The following PLXDC1 variants were observed in gnomAD, a reference collection of about 807,000 sequenced individuals.
PLXDC1 encodes the protein plexin domain containing 1, also known as plexin domain-containing protein 1.
PLXDC1 carries 39 observed loss-of-function variants against 61.3 expected under a neutral mutation model. That is an observed-to-expected ratio of 0.64 (90% confidence interval 0.49 to 0.83). The LOEUF (loss-of-function observed/expected upper bound fraction) is 0.83. PLXDC1 is among the 40% of genes least tolerant of loss of function. The probability of loss-of-function intolerance (pLI) is 0.00; values close to 1 mark genes in which losing one functional copy is unlikely to be tolerated. For missense variants in PLXDC1, 596 were observed against 666.5 expected, an observed-to-expected ratio of 0.89 and a Z score of 1.17; for synonymous variants, 212 against 254.5, an observed-to-expected ratio of 0.83 and a Z score of 1.59.
intron 1 of PLXDC1, among the ~76,000 whole-genome samples, chr17:39,150,558 A>T (rs571840924): frequency 2.1e-4 from 32 of 152,312 alleles, no homozygotes; most frequent in South Asian, 8.3e-4. Flanking sequence ...GACTATGAAA[A>T]TTATACCATG....
chr17:39,108,270 G>T, intron 4 of PLXDC1, 25 bp from the exon 5 acceptor site: 1 of 1,612,934 alleles, frequency 6.2e-7, no homozygotes, highest in Non-Finnish European at 8.5e-7. Flanking sequence ...GTGCAGAGGA[G>T]TCACCAGAAA....
chr17:39,128,175 A>ATATGTATATATG (rs1567769680), intron 2 of PLXDC1, among the ~76,000 whole-genome samples: 12 of 60,474 alleles, frequency 2.0e-4, no homozygotes, highest in African/African-American at 2.8e-4. Flanking sequence ...ATATATATGT[A>ATATGTATATATG]TATATATATG....
chr17:39,087,573 C>A, intron 8 of PLXDC1, 34 bp downstream of exon 8: 1 of 1,516,238 alleles, frequency 6.6e-7, no homozygotes. Flanking sequence ...GACTCCAGAG[C>A]TCTTTCTGGG....
chr17:39,112,348 C>T (rs3025161), intron 2 of PLXDC1: 9,220 of 152,192 alleles, frequency 0.061, 482 homozygotes, highest in African/African-American at 0.14. Context: ...CTCTTCCCCC[C>T]AGTTCAAACA....
chr17:39,078,162 A>G (rs1909414854), intron 10 of PLXDC1, 114 bp from the exon 11 acceptor site: 18 of 1,032,910 alleles, frequency 1.7e-5, no homozygotes, highest in Admixed American at 2.8e-5. Context: ...ATCCTTCCTC[A>G]AGGAAGGGGC....
At chr17:39,087,032 C>T (rs777665079) in intron 8 of PLXDC1, among the ~76,000 whole-genome samples, 5 of 152,170 alleles carry the variant, frequency 3.3e-5, no homozygotes, top group Non-Finnish European at 7.3e-5. Flanking sequence ...TCTCAGCTGT[C>T]CCAGCCCCAT....
intron 2 of PLXDC1, among the ~76,000 whole-genome samples, chr17:39,116,941 C>T (rs1223172401): frequency 6.6e-6 from 1 of 152,184 alleles, no homozygotes; most frequent in Non-Finnish European, 1.5e-5. Flanking sequence ...ATTACAAGGG[C>T]CAGGGCGTGC....
At chr17:39,114,883 G>C (rs1910918074) in intron 2 of PLXDC1, among the ~76,000 whole-genome samples, 1 of 152,222 alleles carries the variant, frequency 6.6e-6, no homozygotes, top group Admixed American at 6.5e-5. Context: ...CACAGCGAGA[G>C]CTTTCCCCAA....
chr17:39,079,269 A>G (rs546999533), intron 9 of PLXDC1, 105 bp from the exon 10 acceptor site: 4 of 958,370 alleles, frequency 4.2e-6, no homozygotes, highest in African/African-American at 1.6e-5. Flanking sequence ...AGAGGAGCCA[A>G]GGTCCCCAGG....
chr17:39,089,621 C>T (rs565758069), intron 7 of PLXDC1, among the ~76,000 whole-genome samples: 2 of 152,144 alleles, frequency 1.3e-5, no homozygotes, highest in Admixed American at 6.5e-5. Flanking sequence ...TGGGGACATA[C>T]GTTTCTCGCT....
At chr17:39,118,677 A>T (rs1911069225) in intron 2 of PLXDC1, among the ~76,000 whole-genome samples, 1 of 152,038 alleles carries the variant, frequency 6.6e-6, no homozygotes, top group South Asian at 2.1e-4. Flanking sequence ...TGCTGAGTTG[A>T]CTACACCCAT....
At chr17:39,122,645 T>G (rs1911202341) in intron 2 of PLXDC1, among the ~76,000 whole-genome samples, 1 of 152,146 alleles carries the variant, frequency 6.6e-6, no homozygotes, top group African/African-American at 2.4e-5. Context: ...TCCCAAGGAA[T>G]TCACACAATT....
chr17:39,074,816 G>A (rs1173576978), intron 11 of PLXDC1, among the ~76,000 whole-genome samples: 1 of 152,074 alleles, frequency 6.6e-6, no homozygotes, highest in Non-Finnish European at 1.5e-5. Context: ...AAGCCTAGGG[G>A]GTTAACTGGC....
At chr17:39,142,125 T>C (rs1293109312) in intron 1 of PLXDC1, among the ~76,000 whole-genome samples, 1 of 152,040 alleles carries the variant, frequency 6.6e-6, no homozygotes, top group Non-Finnish European at 1.5e-5. Context: ...CTCCTCCCCA[T>C]CCCAAGCTGT....
rs2045372638 is a variant in PLXDC1 at position 39,151,529 on chromosome 17, G to C, written c.-92C>G. ...CTCAGGCTGCGGCCGCGCGGTCCCCGGGGCTGGCGGAGGGGCGGGCGGCGA... is the reference window on the plus strand; with the variant it reads ...CTCAGGCTGCGGCCGCGCGGTCCCCCGGGCTGGCGGAGGGGCGGGCGGCGA... On this transcript the variant is annotated 5_prime_UTR_variant, in exon 1 of 14. Transcript: ENST00000315392. The surrounding 1 kb of genome is among the most constrained non-coding windows in gnomAD (Gnocchi z 5.2). 1 of 1,220,818 alleles carries C rather than the reference G, an allele frequency of 8.2e-7. No homozygotes were observed. Among genetic ancestry groups the C allele is most frequent in the Non-Finnish European group, 1.0e-6 (1 of 980,934 alleles). 75.6% of individuals were successfully genotyped at this position (1,220,818 alleles called of 1,614,324 possible). A position where few individuals can be genotyped will look rare whatever the true frequency, so the allele number is the denominator to read the frequency against.
chr17:39,073,412 G>GAACTT (rs1218647351), intron 11 of PLXDC1: 1 of 152,166 alleles, frequency 6.6e-6, no homozygotes, highest in African/African-American at 2.4e-5. Flanking sequence ...CTAAGCAAAG[G>GAACTT]AACTTAAATA....
intron 2 of PLXDC1, among the ~76,000 whole-genome samples, chr17:39,122,117 G>GC (rs199951907): frequency 0.025 from 3,637 of 147,450 alleles, 69 homozygotes; most frequent in Non-Finnish European, 0.04. Context: ...AAAAAGGGGG[G>GC]GGGGACTGGG....
At chr17:39,093,686 G>A (rs36179135) in intron 7 of PLXDC1, among the ~76,000 whole-genome samples, 50,418 of 151,474 alleles carry the variant, frequency 0.33, 8,897 homozygotes, top group Admixed American at 0.44. Context: ...ATTGCACTCC[G>A]GCCTGGGCGA....
chr17:39,151,401 T>C lies in PLXDC1; in HGVS notation c.37A>G (p.Arg13Gly). The C allele has an allele frequency of 7.7e-7, 1 of 1,297,956 alleles. No individual in the cohort carries two copies. The highest frequency in any genetic ancestry group is 9.8e-7 in the Non-Finnish European group (1 of 1,021,280). 80.4% of individuals were successfully genotyped at this position (1,297,956 alleles called of 1,614,324 possible). A position where few individuals can be genotyped will look rare whatever the true frequency, so the allele number is the denominator to read the frequency against. The change falls in exon 1 of 14, where the codon AGG (arginine) becomes GGG (glycine). Residue 13 changes from arginine (R) to glycine (G), a missense_variant. Arg to Gly is a moderately radical substitution (Grantham distance 125). Transcript: ENST00000315392. The surrounding 1 kb of genome is among the most constrained non-coding windows in gnomAD (Gnocchi z 5.2). ...GELWLLVLVL[R>G]EAARALSPQP... ...GGGCTCAGCGCCCGGGCAGCCTCCC[T>C]GAGCACCAGCACCAGGAGCCAGAGC...
Sources: gnomAD v4.1 joint callset for allele counts (sites outside exome capture counted in the v4.1 genomes callset) on GRCh38, gnomAD v4.1.1 for gene constraint, Gnocchi (gnomAD v3.1) non-coding constraint, MANE v1.5 for transcripts, NCBI Gene and HGNC (gene_info 2026-07-23, HGNC 2026-07-21) for gene names.